The following UNC13C variants were observed in gnomAD, a reference collection of about 807,000 sequenced individuals.
UNC13C encodes the protein protein unc-13 homolog C.
Under a neutral mutation model 245.4 loss-of-function variants are expected in UNC13C, and 174 were observed. That is an observed-to-expected ratio of 0.71 (90% CI 0.63 to 0.80). The LOEUF is 0.80. UNC13C is among the 30% of genes least tolerant of loss of function. UNC13C has a pLI of 0.00. For missense variants in UNC13C, 2,829 were observed against 2,602.9 expected (o/e 1.09, Z -1.89); for synonymous variants, 992 against 895.1 (o/e 1.11, Z -1.93).
the UNC13C span, among the ~76,000 whole-genome samples, chr15:53,949,489 G>T: frequency 6.6e-6 from 1 of 152,180 alleles, no homozygotes; most frequent in African/African-American, 2.4e-5. Flanking sequence ...ATTTCTCAAA[G>T]ATTTGACTAT....
chr15:54,125,438 G>A (rs977034116), intron 2 of UNC13C, among the ~76,000 whole-genome samples: 17 of 152,096 alleles, frequency 1.1e-4, no homozygotes, highest in African/African-American at 1.7e-4. Context: ...ACTCCAGCCC[G>A]GGCGACAGTG....
chr15:54,163,867 C>G (rs2033066320), intron 4 of UNC13C, among the ~76,000 whole-genome samples: 1 of 152,100 alleles, frequency 6.6e-6, no homozygotes, highest in Non-Finnish European at 1.5e-5. Context: ...AAATTTCTAG[C>G]TGAAGAATTA....
the UNC13C span, among the ~76,000 whole-genome samples, chr15:53,879,829 C>T: frequency 1.3e-5 from 2 of 152,168 alleles, no homozygotes; most frequent in Admixed American, 1.3e-4. Context: ...TCACGATCCA[C>T]CTGCCTTGGC....
intron 19 of UNC13C, among the ~76,000 whole-genome samples, chr15:54,437,755 A>G (rs1175189817): frequency 1.3e-5 from 2 of 151,944 alleles, no homozygotes; most frequent in African/African-American, 2.4e-5. Context: ...CACAGACGAC[A>G]TGTTTGAACC....
chr15:54,209,708 C>T (rs2034822962), intron 4 of UNC13C, among the ~76,000 whole-genome samples: 1 of 152,108 alleles, frequency 6.6e-6, no homozygotes, highest in Non-Finnish European at 1.5e-5. Flanking sequence ...GCCACCACAC[C>T]AGGCCTACAT....
intron 4 of UNC13C, among the ~76,000 whole-genome samples, chr15:54,154,550 C>T (rs1414835019): frequency 6.6e-6 from 1 of 152,064 alleles, no homozygotes; most frequent in African/African-American, 2.4e-5. Context: ...TTAACAACTA[C>T]CAAATTTCAG....
At chr15:54,358,519 A>G (rs181698692) in intron 17 of UNC13C, among the ~76,000 whole-genome samples, 49 of 152,220 alleles carry the variant, frequency 3.2e-4, no homozygotes, top group African/African-American at 1.2e-3. Flanking sequence ...TATAGTTTTC[A>G]GTATAGAGAT....
intron 1 of UNC13C, among the ~76,000 whole-genome samples, chr15:53,988,140 G>A (rs1894227999): frequency 6.6e-6 from 1 of 151,938 alleles, no homozygotes; most frequent in Non-Finnish European, 1.5e-5. Context: ...TTGAGGGCAA[G>A]TCTTATGCTA....
At chr15:53,882,436 AT>A in the UNC13C span, among the ~76,000 whole-genome samples, 7 of 152,034 alleles carry the variant, frequency 4.6e-5, no homozygotes, top group Non-Finnish European at 1.0e-4. Flanking sequence ...CCCAGTCATT[AT>A]TTCTATTTGA....
At chr15:53,900,996 A>C in the UNC13C span, among the ~76,000 whole-genome samples, 4 of 152,140 alleles carry the variant, frequency 2.6e-5, no homozygotes, top group African/African-American at 9.7e-5. Flanking sequence ...ATTTTCTCAT[A>C]ACAAAAGTAA....
chr15:54,340,358 C>G (rs1486310265), intron 17 of UNC13C, among the ~76,000 whole-genome samples: 2 of 152,178 alleles, frequency 1.3e-5, no homozygotes, highest in East Asian at 1.9e-4. Flanking sequence ...AAGACTTTGG[C>G]TAAGCCAATG....
chr15:54,549,303 G>A (rs1896629486), intron 27 of UNC13C, among the ~76,000 whole-genome samples: 1 of 152,154 alleles, frequency 6.6e-6, no homozygotes, highest in African/African-American at 2.4e-5. Flanking sequence ...GGAGTAGAAT[G>A]AGGAAGTTGC....
the UNC13C span, among the ~76,000 whole-genome samples, chr15:53,862,778 C>G: frequency 2.0e-5 from 3 of 152,082 alleles, no homozygotes; most frequent in African/African-American, 7.2e-5. Flanking sequence ...CATCTTAAAC[C>G]TAATTGTCTC....
intron 8 of UNC13C, among the ~76,000 whole-genome samples, chr15:54,250,764 T>TCTTTC (rs2036129626): frequency 3.0e-5 from 4 of 133,886 alleles, no homozygotes; most frequent in Admixed American, 7.5e-5. Context: ...TTTTTTTTTT[T>TCTTTC]TTTTTTTTTT....
chr15:53,911,438 T>A, the UNC13C span: 1 of 152,170 alleles, frequency 6.6e-6, no homozygotes, highest in Non-Finnish European at 1.5e-5. Context: ...GCAGGCGAGA[T>A]CCCAGGACCC....
chr15:54,191,626 TA>T (rs1473291470), intron 4 of UNC13C, among the ~76,000 whole-genome samples: 8 of 152,256 alleles, frequency 5.3e-5, no homozygotes, highest in African/African-American at 1.9e-4. Context: ...GGAATCGCCA[TA>T]CTGTCTTCCA....
chr15:54,626,603 T>C (rs142161477), intron 32 of UNC13C, among the ~76,000 whole-genome samples: 293 of 152,274 alleles, frequency 1.9e-3, no homozygotes, highest in African/African-American at 6.7e-3. Context: ...AAGTGTAACA[T>C]AGTATCTTAA....
the UNC13C span, chr15:53,912,583 T>C: frequency 6.9e-6 from 1 of 145,156 alleles, no homozygotes; most frequent in African/African-American, 2.5e-5. Flanking sequence ...CTCCTATACA[T>C]GAATATATTC....
chr15:54,005,746 A>T (rs1895106360), intron 1 of UNC13C, among the ~76,000 whole-genome samples: 1 of 152,248 alleles, frequency 6.6e-6, no homozygotes, highest in African/African-American at 2.4e-5. Flanking sequence ...GGAACAGATT[A>T]GGTGGAGGAC....
Sources: gnomAD v4.1 joint callset for allele counts (sites outside exome capture counted in the v4.1 genomes callset) on GRCh38, gnomAD v4.1.1 for gene constraint, MANE v1.5 for transcripts, NCBI Gene and HGNC (gene_info 2026-07-23, HGNC 2026-07-21) for gene names.